The following USP49 variants were observed in gnomAD, a reference collection of about 807,000 sequenced individuals.
USP49 encodes the protein ubiquitin carboxyl-terminal hydrolase 49.
Under a neutral mutation model 58.6 loss-of-function variants are expected in USP49, and 24 were observed. That is an observed-to-expected ratio of 0.41 (90% confidence interval 0.30 to 0.58). USP49 has a LOEUF of 0.58. USP49 is among the 20% of genes least tolerant of loss of function. USP49 has a pLI of 0.30. For missense variants in USP49, 703 were observed against 866.1 expected (o/e 0.81, Z 2.36); for synonymous variants, 408 against 365.1 (o/e 1.12, Z -1.34).
At chr6:41,857,444 A>C (rs1384936058) in intron 3 of USP49, among the ~76,000 whole-genome samples, 1 of 152,174 alleles carries the variant, frequency 6.6e-6, no homozygotes, top group Non-Finnish European at 1.5e-5. Context: ...CAGGAGTTCA[A>C]GACCAGCCTG....
At chr6:41,886,449 G>C (rs1774712764) in intron 2 of USP49, 1 of 152,140 alleles carries the variant, frequency 6.6e-6, no homozygotes, top group Non-Finnish European at 1.5e-5. Flanking sequence ...TTTCTTACTT[G>C]ATTTTCTTTG....
rs1285696854 is a variant in USP49 at position 41,790,377 on chromosome 6, G to T, written c.*6156C>A. The T allele has an allele frequency of 6.6e-6, 1 of 152,188 alleles. No homozygotes were observed. Among genetic ancestry groups the T allele is most frequent in the Non-Finnish European group, 1.5e-5 (1 of 68,042 alleles). 9.4% of individuals were successfully genotyped at this position (152,188 alleles called of 1,614,324 possible). A position where few individuals can be genotyped will look rare whatever the true frequency, so the allele number is the denominator to read the frequency against. ...TTGTGACCCTAAAATTCATGGTAGT[G>T]CTACTGTCCAGGGTTTGGGGGCTCT... On this transcript the variant is annotated 3_prime_UTR_variant, in exon 8 of 8. Coordinates refer to ENST00000682992, the MANE Select transcript of USP49 (RefSeq NM_001286554.2).
chr6:41,885,898 G>C (rs1055424454), intron 2 of USP49, among the ~76,000 whole-genome samples: 1 of 152,226 alleles, frequency 6.6e-6, no homozygotes, highest in Non-Finnish European at 1.5e-5. Flanking sequence ...GCATGGAGCA[G>C]ACAATGAAGC....
At position 41,806,069 on chromosome 6, in the gene USP49, G is replaced by T. The variant is rs1299360891; in HGVS notation, c.915C>A (p.Gly305=). 6.2e-7 allele frequency: 1 copy of T among 1,614,074 alleles called. No individual in the cohort carries two copies. The highest frequency in any genetic ancestry group is 2.2e-5 in the East Asian group (1 of 44,888). Residue 305 remains glycine, a synonymous_variant, in exon 4 of 8, where the codon GGC becomes GGA. Coordinates refer to ENST00000682992, the MANE Select transcript of USP49 (RefSeq NM_001286554.2). The surrounding 1 kb of genome is among the most constrained non-coding windows in gnomAD (Gnocchi z 5.9). ...KATNGKTQLS[G]KPTNSSATEL... ...CCGTGGCCGAGCTGTTGGTTGGCTT[G>T]CCAGAAAGCTGAGTCTTCCCGTTGG...
intron 2 of USP49, among the ~76,000 whole-genome samples, chr6:41,887,651 A>G (rs1026404993): frequency 4.6e-5 from 7 of 152,200 alleles, no homozygotes; most frequent in African/African-American, 1.7e-4. Flanking sequence ...TTTATCCCTG[A>G]TCCTTCTGAT....
intron 2 of USP49, chr6:41,887,317 C>G (rs1310369291): frequency 6.6e-6 from 1 of 152,288 alleles, no homozygotes; most frequent in Middle Eastern, 3.4e-3. Flanking sequence ...ATTTGCCCAG[C>G]AAAAGAAGCA....
chr6:41,836,813 T>G (rs1773735155), intron 3 of USP49, among the ~76,000 whole-genome samples: 1 of 151,534 alleles, frequency 6.6e-6, no homozygotes, highest in South Asian at 2.1e-4. Context: ...CCAAACTGAG[T>G]GCCAAATGAA....
intron 3 of USP49, among the ~76,000 whole-genome samples, chr6:41,862,703 A>G (rs1351204470): frequency 6.6e-6 from 1 of 152,246 alleles, no homozygotes; most frequent in Non-Finnish European, 1.5e-5. Flanking sequence ...CAAAAAACAG[A>G]GGAATACAGA....
intron 3 of USP49, among the ~76,000 whole-genome samples, chr6:41,817,149 G>GTTTTTTTTTTTTTTTTTTT (rs1773366429): frequency 1.4e-5 from 1 of 69,656 alleles, no homozygotes; most frequent in African/African-American, 6.4e-5. Flanking sequence ...TCCCACGCAT[G>GTTTTTTTTTTTTTTTTTTT]CTTTTTTTTT....
intron 3 of USP49, among the ~76,000 whole-genome samples, chr6:41,859,841 T>C (rs1582026054): frequency 6.6e-6 from 1 of 152,286 alleles, no homozygotes; most frequent in East Asian, 1.9e-4. Context: ...GGAAGACCCA[T>C]TAAAAGGCAG....
At chr6:41,798,605 T>C in intron 7 of USP49, 119 bp downstream of exon 7, 1 of 1,587,366 alleles carries the variant, frequency 6.3e-7, no homozygotes, top group South Asian at 1.1e-5. Context: ...CACTGGATTT[T>C]TGATGTATGT....
intron 2 of USP49, among the ~76,000 whole-genome samples, chr6:41,872,124 T>C (rs1464419512): frequency 6.6e-6 from 1 of 152,254 alleles, no homozygotes; most frequent in Non-Finnish European, 1.5e-5. Flanking sequence ...AAAAGCGGTA[T>C]ATATTCTGTA....
rs1044553372 is a variant in USP49 at position 41,796,635 on chromosome 6, A to C, written c.1965T>G (p.Thr655=). The C allele has an allele frequency of 9.8e-6, 7 of 717,268 alleles. No homozygotes were observed. The highest frequency in any genetic ancestry group is 8.7e-5 in the African/African-American group (5 of 57,200). The allele number at this position is 717,268 out of a possible 1,614,324, so 44.4% of individuals were successfully genotyped here. ...TTGCATTGCCCTGCACTGTTCTTTG[A>C]GTGTAAAAAAGGATGTAGGCCTGGG... ...CKTQAYILFY[T]QRTVQGNARI... Residue 655 remains threonine (T), a synonymous_variant, in exon 8 of 8, where the codon ACT becomes ACG. Transcript: ENST00000682992.
At chr6:41,837,188 ACT>A (rs1456343289) in intron 3 of USP49, among the ~76,000 whole-genome samples, 2 of 152,178 alleles carry the variant, frequency 1.3e-5, no homozygotes, top group Non-Finnish European at 2.9e-5. Context: ...TGGAGGCATC[ACT>A]GTTACCCAAC....
chr6:41,802,463 TA>T (rs1188176476), intron 5 of USP49, among the ~76,000 whole-genome samples: 4,981 of 93,260 alleles, frequency 0.053, 401 homozygotes, highest in South Asian at 0.071. Context: ...TTTATTTATT[TA>T]TTTATTTTTT....
At chr6:41,801,918 G>A (rs766206141) in intron 5 of USP49, among the ~76,000 whole-genome samples, 8 of 151,988 alleles carry the variant, frequency 5.3e-5, no homozygotes, top group Non-Finnish European at 1.0e-4. Flanking sequence ...TTCTTGTAAA[G>A]ATAAACAAAA....
At chr6:41,884,449 T>G (rs2395792) in intron 2 of USP49, among the ~76,000 whole-genome samples, 147,405 of 152,350 alleles carry the variant, frequency 0.97, 71,352 homozygotes, top group East Asian at 1. Context: ...GAGCAATTTT[T>G]TAATTAAAAA....
intron 1 of USP49, among the ~76,000 whole-genome samples, chr6:41,892,720 G>C (rs1364858334): frequency 2.0e-5 from 3 of 151,766 alleles, no homozygotes; most frequent in Non-Finnish European, 4.4e-5. Context: ...ACAAACACCA[G>C]CAAAAGTGTC....
At chr6:41,842,798 T>A (rs1286111074) in intron 3 of USP49, among the ~76,000 whole-genome samples, 1 of 151,604 alleles carries the variant, frequency 6.6e-6, no homozygotes, top group Admixed American at 6.6e-5. Context: ...AGTTTTTGTG[T>A]TTTTTCTTAA....
Sources: allele counts gnomAD v4.1 joint callset (sites outside exome capture counted in the v4.1 genomes callset), GRCh38; gene constraint gnomAD v4.1.1; non-coding constraint Gnocchi (gnomAD v3.1); transcripts MANE v1.5; gene names NCBI Gene and HGNC (gene_info 2026-07-23, HGNC 2026-07-21).